The following ASPRV1 variants were observed in gnomAD, a reference collection of about 807,000 sequenced individuals.
ASPRV1 encodes the protein retroviral-like aspartic protease 1.
A neutral mutation model predicts 11.0 loss-of-function variants in ASPRV1; 7 were observed. The observed-to-expected ratio is 0.64, with a 90% CI of 0.36 to 1.20. The LOEUF (loss-of-function observed/expected upper bound fraction) is 1.20, where lower values mean the gene tolerates loss of function less well. ASPRV1 is among the 50% of genes most tolerant of loss of function. ASPRV1 has a pLI of 0.02. For missense variants in ASPRV1, 299 were observed against 320.0 expected (o/e 0.93, Z 0.50); for synonymous variants, 136 against 138.4 (o/e 0.98, Z 0.12).
At chr2:70,075,101 G>C in the ASPRV1 span, 1 of 149,930 alleles carries the variant, frequency 6.7e-6, no homozygotes, top group East Asian at 2.0e-4. Flanking sequence ...TGGCCACAGA[G>C]CAAGATAACA....
At chr2:69,936,026 C>A in the ASPRV1 span, among the ~76,000 whole-genome samples, 5 of 152,136 alleles carry the variant, frequency 3.3e-5, no homozygotes, top group Non-Finnish European at 7.4e-5. Flanking sequence ...ATTCCCCTTT[C>A]TCCAGCCCTT....
chr2:70,067,304 G>C, the ASPRV1 span, among the ~76,000 whole-genome samples: 1 of 152,144 alleles, frequency 6.6e-6, no homozygotes, highest in African/African-American at 2.4e-5. Flanking sequence ...GTATATGATT[G>C]GGCACTGGAG....
At chr2:69,935,230 T>C in the ASPRV1 span, 18 of 688,622 alleles carry the variant, frequency 2.6e-5, no homozygotes, top group Non-Finnish European at 4.0e-5. Context: ...CAAAAGGTCA[T>C]TGGTAGCATT....
At chr2:69,988,447 T>G in the ASPRV1 span, 18 of 205,554 alleles carry the variant, frequency 8.8e-5, no homozygotes, top group Admixed American at 5.8e-4. Flanking sequence ...TCTACTTACA[T>G]GAGGTGTCTA....
the ASPRV1 span, chr2:69,938,035 C>T: frequency 4.6e-6 from 7 of 1,522,926 alleles, no homozygotes; most frequent in African/African-American, 8.2e-5. Flanking sequence ...GCATGAGCCA[C>T]CACGCCTGAG....
chr2:70,039,699 G>C, the ASPRV1 span, among the ~76,000 whole-genome samples: 1 of 152,172 alleles, frequency 6.6e-6, no homozygotes, highest in Non-Finnish European at 1.5e-5. Context: ...CTGCACCTAA[G>C]GGTGGCCTTA....
At chr2:70,022,703 ACAAG>A in the ASPRV1 span, among the ~76,000 whole-genome samples, 1 of 151,960 alleles carries the variant, frequency 6.6e-6, no homozygotes, top group African/African-American at 2.4e-5. Context: ...AAAAAATAAC[ACAAG>A]CAAATTTTTG....
the ASPRV1 span, chr2:69,988,473 T>C: frequency 3.6e-6 from 1 of 278,160 alleles, no homozygotes; most frequent in Non-Finnish European, 7.2e-6. Flanking sequence ...GTCAAGTTCA[T>C]AGAGACAGAA....
At chr2:70,000,958 T>C in the ASPRV1 span, among the ~76,000 whole-genome samples, 3 of 152,134 alleles carry the variant, frequency 2.0e-5, no homozygotes, top group Admixed American at 2.0e-4. Context: ...AACAATGATA[T>C]ACTATTTGTT....
At chr2:70,074,524 C>T in the ASPRV1 span, among the ~76,000 whole-genome samples, 1 of 151,566 alleles carries the variant, frequency 6.6e-6, no homozygotes, top group South Asian at 2.1e-4. Flanking sequence ...AATCCGCCCA[C>T]CTCGACCTCC....
the ASPRV1 span, among the ~76,000 whole-genome samples, chr2:70,061,960 T>C: frequency 7.1e-6 from 1 of 141,286 alleles, no homozygotes; most frequent in Non-Finnish European, 1.5e-5. Flanking sequence ...CAAAACTCTG[T>C]CTCAAAAAAA....
the ASPRV1 span, chr2:70,060,107 C>G: frequency 6.6e-6 from 1 of 151,792 alleles, no homozygotes; most frequent in African/African-American, 2.4e-5. Context: ...TTTGAGAGAC[C>G]GAAGCAGGCG....
At chr2:70,010,626 T>C in the ASPRV1 span, among the ~76,000 whole-genome samples, 1 of 152,132 alleles carries the variant, frequency 6.6e-6, no homozygotes, top group South Asian at 2.1e-4. Flanking sequence ...ACAGGGAAAT[T>C]AAATGATCAA....
the ASPRV1 span, among the ~76,000 whole-genome samples, chr2:70,036,394 G>T: frequency 6.6e-6 from 1 of 151,722 alleles, no homozygotes; most frequent in Non-Finnish European, 1.5e-5. Context: ...AGCTGTAATG[G>T]CAATACAAGT....
At chr2:70,034,807 G>T in the ASPRV1 span, 1 of 152,092 alleles carries the variant, frequency 6.6e-6, no homozygotes, top group Admixed American at 6.5e-5. Flanking sequence ...CTCTGAAGAA[G>T]GTAGTCTCTT....
the ASPRV1 span, among the ~76,000 whole-genome samples, chr2:70,006,839 G>C: frequency 1.1e-4 from 17 of 152,298 alleles, no homozygotes; most frequent in East Asian, 2.9e-3. Context: ...ACATTGCTAT[G>C]AGTGTATTTT....
the ASPRV1 span, among the ~76,000 whole-genome samples, chr2:70,047,772 A>T: frequency 1.3e-5 from 2 of 152,204 alleles, no homozygotes; most frequent in African/African-American, 4.8e-5. Context: ...TTACAGTATG[A>T]AGCAGGCAAA....
At chr2:69,933,742 T>C in the ASPRV1 span, among the ~76,000 whole-genome samples, 3 of 152,264 alleles carry the variant, frequency 2.0e-5, no homozygotes, top group Non-Finnish European at 4.4e-5. Flanking sequence ...ATTAATATCA[T>C]GCATATTCAC....
the ASPRV1 span, chr2:70,085,773 A>G: frequency 3.3e-5 from 5 of 152,284 alleles, no homozygotes; most frequent in Admixed American, 6.5e-5. Context: ...CTTCTAGACT[A>G]AAAATGAACA....
Sources: gnomAD v4.1 joint callset for allele counts (sites outside exome capture counted in the v4.1 genomes callset) on GRCh38, gnomAD v4.1.1 for gene constraint, MANE v1.5 for transcripts, NCBI Gene and HGNC (gene_info 2026-07-23, HGNC 2026-07-21) for gene names.